The following FRMD6 variants were observed in gnomAD, a reference collection of about 807,000 sequenced individuals.
FRMD6 encodes the protein FERM domain containing 6.
In FRMD6, 37 loss-of-function variants were observed where a neutral mutation model predicts 73.2. That is an observed-to-expected ratio of 0.51 (90% CI 0.39 to 0.66). The LOEUF (loss-of-function observed/expected upper bound fraction) is 0.66, where lower values mean the gene tolerates loss of function less well. FRMD6 is among the 30% of genes least tolerant of loss of function. The pLI is 0.00. For synonymous variants in FRMD6, 273 were observed against 282.2 expected, an observed-to-expected ratio of 0.97 and a Z score of 0.33; for missense variants, 714 against 780.5, an observed-to-expected ratio of 0.91 and a Z score of 1.02.
At chr14:51,684,785 T>C (rs1046811440) in intron 1 of FRMD6, among the ~76,000 whole-genome samples, 2 of 152,166 alleles carry the variant, frequency 1.3e-5, no homozygotes, top group African/African-American at 4.8e-5. Flanking sequence ...AACCCTTCAG[T>C]AGAATCTTCA....
the FRMD6 span, among the ~76,000 whole-genome samples, chr14:51,412,168 A>G: frequency 6.6e-5 from 10 of 152,124 alleles, no homozygotes; most frequent in Admixed American, 6.5e-5. Context: ...GGAGGCTAAC[A>G]TGGCCACTCT....
At chr14:51,447,801 A>G in the FRMD6 span, among the ~76,000 whole-genome samples, 2 of 151,952 alleles carry the variant, frequency 1.3e-5, no homozygotes, top group African/African-American at 4.8e-5. Flanking sequence ...CCTCAACACC[A>G]CCATCCATGC....
At chr14:51,441,834 T>G in the FRMD6 span, among the ~76,000 whole-genome samples, 7 of 152,222 alleles carry the variant, frequency 4.6e-5, no homozygotes, top group Non-Finnish European at 1.0e-4. Flanking sequence ...GATGCAAAAT[T>G]CCTTTGAAAA....
chr14:51,652,500 C>T (rs1419804765), intron 1 of FRMD6, among the ~76,000 whole-genome samples: 1 of 152,204 alleles, frequency 6.6e-6, no homozygotes, highest in African/African-American at 2.4e-5. Flanking sequence ...CCGAGTCCCG[C>T]GCTCCCGGGG....
At chr14:51,481,266 G>A in the FRMD6 span, among the ~76,000 whole-genome samples, 1 of 152,184 alleles carries the variant, frequency 6.6e-6, no homozygotes, top group East Asian at 1.9e-4. Context: ...GAAAAAAGAG[G>A]TTTAATGGAC....
chr14:51,677,140 T>C (rs1408106687), intron 1 of FRMD6, among the ~76,000 whole-genome samples: 3 of 152,094 alleles, frequency 2.0e-5, no homozygotes, highest in Non-Finnish European at 4.4e-5. Context: ...CAGTGGGCCT[T>C]TGCGTTTCTA....
chr14:51,641,734 G>A (rs1891819069), intron 2 of FRMD6, among the ~76,000 whole-genome samples: 2 of 152,138 alleles, frequency 1.3e-5, no homozygotes, highest in South Asian at 4.1e-4. Context: ...CTTTCGATCA[G>A]TGGCTTTCAA....
chr14:51,587,646 A>G (rs577126608), intron 2 of FRMD6, among the ~76,000 whole-genome samples: 8 of 152,218 alleles, frequency 5.3e-5, no homozygotes, highest in African/African-American at 1.9e-4. Flanking sequence ...AGATGCTTGC[A>G]TGTGTAATCT....
chr14:51,399,211 C>A, the FRMD6 span, among the ~76,000 whole-genome samples: 1 of 152,208 alleles, frequency 6.6e-6, no homozygotes, highest in Non-Finnish European at 1.5e-5. Context: ...CTTCCTTAAA[C>A]ATTGCATTCA....
chr14:51,556,296 A>T (rs775056205), intron 1 of FRMD6, among the ~76,000 whole-genome samples: 2 of 152,248 alleles, frequency 1.3e-5, no homozygotes, highest in Non-Finnish European at 2.9e-5. Context: ...AATGTACTAT[A>T]AATTACATAT....
the FRMD6 span, among the ~76,000 whole-genome samples, chr14:51,421,336 T>C: frequency 1.3e-5 from 2 of 152,156 alleles, no homozygotes; most frequent in African/African-American, 2.4e-5. Flanking sequence ...GGAAAATAAG[T>C]TGAAAAAAGA....
At chr14:51,498,884 A>C (rs1392163056) in intron 1 of FRMD6, among the ~76,000 whole-genome samples, 1 of 152,216 alleles carries the variant, frequency 6.6e-6, no homozygotes, top group East Asian at 1.9e-4. Flanking sequence ...ATTACATAAG[A>C]TATTTGTATC....
intron 1 of FRMD6, among the ~76,000 whole-genome samples, chr14:51,555,374 G>A (rs2139464075): frequency 6.6e-6 from 1 of 152,282 alleles, no homozygotes; most frequent in South Asian, 2.1e-4. Flanking sequence ...CTGTGTCCCA[G>A]GAAATATTTC....
intron 2 of FRMD6, among the ~76,000 whole-genome samples, chr14:51,607,800 G>A (rs1040897146): frequency 2.3e-4 from 35 of 152,264 alleles, no homozygotes; most frequent in African/African-American, 7.9e-4. Context: ...CTTCCGGGTG[G>A]GGCCCCTTTC....
intron 1 of FRMD6, among the ~76,000 whole-genome samples, chr14:51,539,031 C>T (rs1020334594): frequency 6.6e-6 from 1 of 151,964 alleles, no homozygotes. Context: ...TATGGCAAAA[C>T]CTGGTTGGAC....
the FRMD6 span, among the ~76,000 whole-genome samples, chr14:51,441,731 G>T: frequency 6.6e-6 from 1 of 152,108 alleles, no homozygotes; most frequent in Admixed American, 6.6e-5. Flanking sequence ...ATTGACGTTG[G>T]GATGAAGCTC....
At chr14:51,482,247 T>C in the FRMD6 span, among the ~76,000 whole-genome samples, 3 of 152,226 alleles carry the variant, frequency 2.0e-5, no homozygotes, top group African/African-American at 7.2e-5. Context: ...CCATCTGAAA[T>C]GTTAAGACTG....
At chr14:51,453,711 T>C in the FRMD6 span, among the ~76,000 whole-genome samples, 1 of 152,082 alleles carries the variant, frequency 6.6e-6, no homozygotes, top group African/African-American at 2.4e-5. Context: ...ACAGACACAC[T>C]CACCCCTTAT....
At chr14:51,603,672 G>C (rs987527761) in intron 2 of FRMD6, among the ~76,000 whole-genome samples, 1 of 152,114 alleles carries the variant, frequency 6.6e-6, no homozygotes, top group African/African-American at 2.4e-5. Context: ...CTGCTCACTG[G>C]GGTTGAGAAA....
Sources: allele counts gnomAD v4.1 joint callset (sites outside exome capture counted in the v4.1 genomes callset), GRCh38; gene constraint gnomAD v4.1.1; transcripts MANE v1.5; gene names NCBI Gene and HGNC (gene_info 2026-07-23, HGNC 2026-07-21).